The following RAP1GDS1 variants were observed in gnomAD, a reference collection of about 807,000 sequenced individuals.
RAP1GDS1 encodes Rap1 GTPase-GDP dissociation stimulator 1.
RAP1GDS1 carries 35 observed loss-of-function variants against 71.1 expected under a neutral mutation model. The observed-to-expected ratio is 0.49, with a 90% CI of 0.38 to 0.65. RAP1GDS1 has a LOEUF of 0.65. Among genes scored for constraint, RAP1GDS1 ranks in the 30% least tolerant of loss-of-function variants. The pLI, the probability that RAP1GDS1 is intolerant of heterozygous loss-of-function variation, is 0.00. For synonymous variants in RAP1GDS1, 229 were observed against 243.1 expected, an observed-to-expected ratio of 0.94 and a Z score of 0.54; for missense variants, 663 against 706.1, an observed-to-expected ratio of 0.94 and a Z score of 0.69.
At chr4:98,377,542 A>G (rs904822456) in intron 4 of RAP1GDS1, among the ~76,000 whole-genome samples, 1 of 151,846 alleles carries the variant, frequency 6.6e-6, no homozygotes, top group South Asian at 2.1e-4. Flanking sequence ...CTAAGTGGAT[A>G]AAACTGTTTT....
intron 4 of RAP1GDS1, among the ~76,000 whole-genome samples, chr4:98,376,571 T>A (rs1279317360): frequency 1.3e-5 from 2 of 152,006 alleles, no homozygotes; most frequent in Non-Finnish European, 2.9e-5. Context: ...TTCCTTTGAA[T>A]CCTTAAATTC....
At chr4:98,405,847 G>A (rs948747782) in intron 7 of RAP1GDS1, among the ~76,000 whole-genome samples, 1 of 151,848 alleles carries the variant, frequency 6.6e-6, no homozygotes, top group Non-Finnish European at 1.5e-5. Context: ...TAGATATATA[G>A]GTAAATCTTA....
intron 2 of RAP1GDS1, among the ~76,000 whole-genome samples, chr4:98,340,664 A>C (rs1172896969): frequency 6.6e-6 from 1 of 152,054 alleles, no homozygotes; most frequent in African/African-American, 2.4e-5. Flanking sequence ...CATGAGAATC[A>C]CTTGAACCCA....
chr4:98,394,114 G>A (rs1744157648), intron 6 of RAP1GDS1, among the ~76,000 whole-genome samples: 1 of 152,094 alleles, frequency 6.6e-6, no homozygotes, highest in South Asian at 2.1e-4. Context: ...ACAAAGTAAG[G>A]AAATTACAAT....
At chr4:98,355,263 A>G (rs1462151586) in intron 4 of RAP1GDS1, among the ~76,000 whole-genome samples, 1 of 152,218 alleles carries the variant, frequency 6.6e-6, no homozygotes, top group Non-Finnish European at 1.5e-5. Flanking sequence ...AGGAGTATAG[A>G]AAACTACATG....
At chr4:98,415,140 G>C (rs79346436) in intron 7 of RAP1GDS1, among the ~76,000 whole-genome samples, 1 of 152,114 alleles carries the variant, frequency 6.6e-6, no homozygotes, top group Non-Finnish European at 1.5e-5. Flanking sequence ...TTGCACATCC[G>C]TTTATAGGCT....
chr4:98,289,180 A>G (rs985207201), intron 1 of RAP1GDS1, among the ~76,000 whole-genome samples: 2 of 152,148 alleles, frequency 1.3e-5, no homozygotes, highest in African/African-American at 4.8e-5. Flanking sequence ...AAATTCTAAA[A>G]TCTTTTGGAA....
chr4:98,440,096 C>G lies in RAP1GDS1; in HGVS notation c.1697-1894C>G, dbSNP rs552429760. 6.6e-5 allele frequency among the ~76,000 whole-genome samples: 10 copies of G among 152,270 alleles called. No homozygotes were observed. In the South Asian group the frequency reaches 2.1e-3, roughly 32 times the overall value. On this transcript the variant is annotated intron_variant, in intron 14 of 14. Coordinates refer to ENST00000408927, the MANE Select transcript of RAP1GDS1 (RefSeq NM_001100427.2). ...ATATGTGGAATAAGAAACTCCTGTCCTTTTTTGTCTAGCTTATTTTACTTA... is the reference window on the plus strand; with the variant it reads ...ATATGTGGAATAAGAAACTCCTGTCGTTTTTTGTCTAGCTTATTTTACTTA...
intron 7 of RAP1GDS1, among the ~76,000 whole-genome samples, chr4:98,412,856 T>A (rs945926788): frequency 6.6e-6 from 1 of 151,948 alleles, no homozygotes; most frequent in African/African-American, 2.4e-5. Flanking sequence ...GGAGGGAGTG[T>A]ACAGGGAGTA....
intron 7 of RAP1GDS1, chr4:98,409,713 CG>C: frequency 2.2e-6 from 1 of 445,476 alleles, no homozygotes; most frequent in Non-Finnish European, 4.6e-6. Context: ...TGAGAACAAA[CG>C]GAAGGGGCCT....
chr4:98,388,412 C>T (rs1743086325), intron 5 of RAP1GDS1, among the ~76,000 whole-genome samples: 1 of 152,114 alleles, frequency 6.6e-6, no homozygotes, highest in South Asian at 2.1e-4. Flanking sequence ...TTCCCACTCA[C>T]CTCCCAATCT....
intron 11 of RAP1GDS1, among the ~76,000 whole-genome samples, chr4:98,420,697 C>T (rs914365395): frequency 6.6e-6 from 1 of 152,262 alleles, no homozygotes. Flanking sequence ...TACCATATCT[C>T]TCCTTATTAG....
At chr4:98,345,006 T>G (rs928050933) in intron 3 of RAP1GDS1, among the ~76,000 whole-genome samples, 2 of 152,176 alleles carry the variant, frequency 1.3e-5, no homozygotes, top group African/African-American at 4.8e-5. Flanking sequence ...AAATTATTAT[T>G]ATTTTTTGTA....
intron 1 of RAP1GDS1, among the ~76,000 whole-genome samples, chr4:98,288,206 A>G (rs997845426): frequency 2.0e-5 from 3 of 151,996 alleles, no homozygotes; most frequent in South Asian, 2.1e-4. Context: ...AACAGGCCCC[A>G]GTGTGTGATG....
chr4:98,320,854 C>T (rs1414668634), intron 2 of RAP1GDS1, among the ~76,000 whole-genome samples: 1 of 92,272 alleles, frequency 1.1e-5, no homozygotes, highest in Non-Finnish European at 2.2e-5. Context: ...AACTCTAAAA[C>T]GCAGAGCGCC....
intron 2 of RAP1GDS1, among the ~76,000 whole-genome samples, chr4:98,341,291 C>G (rs1373526021): frequency 6.6e-6 from 1 of 152,156 alleles, no homozygotes. Flanking sequence ...AGTGAAAATA[C>G]TATTTTCAAA....
intron 6 of RAP1GDS1, among the ~76,000 whole-genome samples, chr4:98,397,253 A>G (rs1744679494): frequency 6.6e-6 from 1 of 152,138 alleles, no homozygotes; most frequent in Non-Finnish European, 1.5e-5. Flanking sequence ...TAGCATGAAT[A>G]TGGTTTTAAA....
intron 6 of RAP1GDS1, among the ~76,000 whole-genome samples, chr4:98,399,325 A>G (rs1354793836): frequency 6.6e-6 from 1 of 152,176 alleles, no homozygotes; most frequent in East Asian, 1.9e-4. Context: ...CCAACTGGGG[A>G]TTTATTCCAG....
chr4:98,268,523 C>G (rs1472778050), intron 1 of RAP1GDS1, among the ~76,000 whole-genome samples: 2 of 151,752 alleles, frequency 1.3e-5, no homozygotes, highest in East Asian at 3.9e-4. Context: ...GTAAAATGAT[C>G]TGTTTAAAGA....
Sources: gnomAD v4.1 joint callset for allele counts (sites outside exome capture counted in the v4.1 genomes callset) on GRCh38, gnomAD v4.1.1 for gene constraint, MANE v1.5 for transcripts, NCBI Gene and HGNC (gene_info 2026-07-23, HGNC 2026-07-21) for gene names.